Variants in TMCC2 observed in about 807,000 individuals in gnomAD.
TMCC2 encodes transmembrane and coiled-coil domains protein 2.
A neutral mutation model predicts 49.4 loss-of-function variants in TMCC2; 16 were observed. The ratio of observed to expected loss-of-function variants is 0.32; its 90% confidence interval spans 0.22 to 0.49. The LOEUF (loss-of-function observed/expected upper bound fraction) is 0.49. TMCC2 is among the 20% of genes least tolerant of loss of function. The pLI, the probability that TMCC2 is intolerant of heterozygous loss-of-function variation, is 0.99. For synonymous variants in TMCC2, 397 were observed against 434.1 expected, an observed-to-expected ratio of 0.91 and a Z score of 1.06; for missense variants, 762 against 989.8, an observed-to-expected ratio of 0.77 and a Z score of 3.09.
intron 2 of TMCC2, among the ~76,000 whole-genome samples, chr1:205,247,206 G>C (rs1043417428): frequency 1.3e-5 from 2 of 152,138 alleles, no homozygotes; most frequent in Non-Finnish European, 2.9e-5. Context: ...GGCAGAGCAG[G>C]TGTTATCTCC....
chr1:205,270,183 A>T (rs146727824), intron 3 of TMCC2, among the ~76,000 whole-genome samples: 3 of 152,088 alleles, frequency 2.0e-5, no homozygotes, highest in Non-Finnish European at 2.9e-5. Context: ...AGTAGCTGGG[A>T]TTACAGGCAC....
chr1:205,242,106 T>G, intron 2 of TMCC2, 62 bp downstream of exon 2: 2 of 1,495,082 alleles, frequency 1.3e-6, no homozygotes, highest in South Asian at 1.4e-5. Flanking sequence ...CTGAGGGGCC[T>G]TGAGACCTGG....
chr1:205,231,608 G>C (rs767219588), intron 1 of TMCC2, among the ~76,000 whole-genome samples: 3 of 152,062 alleles, frequency 2.0e-5, no homozygotes, highest in African/African-American at 7.2e-5. Context: ...CTCCAAACTT[G>C]CTTTCCAGTG....
chr1:205,250,980 A>T (rs561573938), intron 2 of TMCC2, among the ~76,000 whole-genome samples: 1 of 152,294 alleles, frequency 6.6e-6, no homozygotes, highest in African/African-American at 2.4e-5. Flanking sequence ...GATCTGCCAC[A>T]TCCCTGAGAT....
rs1488318422 is a variant in TMCC2 at position 205,272,085 on chromosome 1, C to T, written c.2091C>T (p.Ser697=). 1 of 1,613,834 alleles carries T rather than the reference C, an allele frequency of 6.2e-7. No individual in the cohort carries two copies. Among genetic ancestry groups the T allele is most frequent in the East Asian group, 2.2e-5 (1 of 44,876 alleles). ...TCCTCCTCTGGAAGCACTGGGACTC[C>T]CTCACCTACCTCCTGGAGCACGTGT... The part of the protein sequence containing the change: ...VLFLLWKHWD[S]LTYLLEHVLL... Residue 697 remains serine, a synonymous_variant, in exon 5 of 5, where the codon TCC becomes TCT. Transcript: ENST00000358024.
chr1:205,247,717 C>A (rs548012194), intron 2 of TMCC2, among the ~76,000 whole-genome samples: 1 of 152,122 alleles, frequency 6.6e-6, no homozygotes, highest in African/African-American at 2.4e-5. Context: ...AGATCCCTGG[C>A]GGTTACTAGC....
At chr1:205,263,184 G>T (rs1661186924) in intron 2 of TMCC2, among the ~76,000 whole-genome samples, 1 of 152,028 alleles carries the variant, frequency 6.6e-6, no homozygotes, top group South Asian at 2.1e-4. Flanking sequence ...GGCTGGGTGG[G>T]CAAGTGGAGT....
intron 1 of TMCC2, among the ~76,000 whole-genome samples, chr1:205,232,361 A>G (rs770051972): frequency 6.6e-6 from 1 of 152,174 alleles, no homozygotes; most frequent in East Asian, 1.9e-4. Flanking sequence ...GAGCACAACA[A>G]TTCAGTCCCA....
rs79085921 is a variant in TMCC2 at position 205,256,162 on chromosome 1, G to A, written c.748-12788G>A. 2.0e-3 allele frequency: 2,835 copies of A among 1,394,752 alleles called. 45 individuals carry two copies. The African/African-American group carries it at 0.036, about 18-fold the overall frequency. The allele number at this position is 1,394,752 out of a possible 1,614,324, so 86.4% of individuals were successfully genotyped here. The stretch of plus-strand genomic sequence containing the variant: ...CTACCCAATCAACGTGACGCGTGTC[G>A]GCCATCAGTATTTAAGCCTGGAGTT... On this transcript the variant is annotated intron_variant, in intron 2 of 4. Coordinates refer to ENST00000358024, the MANE Select transcript of TMCC2 (RefSeq NM_014858.4).
At position 205,241,397 on chromosome 1, in the gene TMCC2, AT is replaced by A; in HGVS notation, c.208-106del. 4 of 1,212,576 alleles carry A rather than the reference AT, an allele frequency of 3.3e-6. No individual in the cohort carries two copies. The highest frequency in any genetic ancestry group is 4.6e-6 in the Non-Finnish European group (4 of 870,360). 75.1% of individuals were successfully genotyped at this position (1,212,576 alleles called of 1,614,324 possible). ...AGATCTTCCAGGTTCAGATGGCTGCATTAGCTATGCCAGTCTACCAAGGACA... is the reference window on the plus strand; with the variant it reads ...AGATCTTCCAGGTTCAGATGGCTGCATAGCTATGCCAGTCTACCAAGGACA... On this transcript the variant is annotated intron_variant, in intron 1 of 4. Transcript: ENST00000358024. This position sits in a 1 kb window ranked among gnomAD's most constrained non-coding sequence, Gnocchi z 7.3.
Position 205,271,798 on chromosome 1 carries a change from C to T in TMCC2, c.1819-15C>T. 1.2e-6 allele frequency: 2 copies of T among 1,604,988 alleles called. No homozygotes were observed. Among genetic ancestry groups the T allele is most frequent in the South Asian group, 2.2e-5 (2 of 90,912 alleles). On this transcript the variant is annotated splice_polypyrimidine_tract_variant and intron_variant, in intron 4 of 4. Coordinates refer to ENST00000358024, the MANE Select transcript of TMCC2 (RefSeq NM_014858.4). ...CATCCTGAGCGCACACATGCCAGCC[C>T]CTCTGCCCCTGCAGGAGGCCGTGGA...
chr1:205,241,631 C>A lies in TMCC2; in HGVS notation c.334C>A (p.Gln112Lys). 1 of 1,613,972 alleles carries A rather than the reference C, an allele frequency of 6.2e-7. No homozygotes were observed. The highest frequency in any genetic ancestry group is 8.5e-7 in the Non-Finnish European group (1 of 1,180,006). ...GGATTCCCAGCAGCATCAGCAGCAGCAGGGTATGTCCGACCATGACTCCCC... is the reference window on the plus strand; with the variant it reads ...GGATTCCCAGCAGCATCAGCAGCAGAAGGGTATGTCCGACCATGACTCCCC... ...SQDSQQHQQQ[Q>K]GMSDHDSPDE... is the part of the protein sequence containing the mutation. Residue 112 changes from glutamine (Q) to lysine (K), a missense_variant, in exon 2 of 5, where the codon CAG becomes AAG. Transcript: ENST00000358024. The surrounding 1 kb of genome is among the most constrained non-coding windows in gnomAD (Gnocchi z 7.3).
At chr1:205,256,074 C>T in intron 2 of TMCC2, 1 of 658,936 alleles carries the variant, frequency 1.5e-6, no homozygotes, top group South Asian at 2.5e-5. Flanking sequence ...CCTGCAAGCC[C>T]TGGCACTGGC....
intron 2 of TMCC2, chr1:205,267,780 C>G (rs978209342): frequency 4.4e-6 from 3 of 680,482 alleles, no homozygotes; most frequent in Non-Finnish European, 5.4e-6. Context: ...CTGATGCACT[C>G]GGGAAGCCTG....
In TMCC2 at chr1:205,264,585, C is replaced by T. The variant is rs951124921; in HGVS notation, c.748-4365C>T. On this transcript the variant is annotated intron_variant, in intron 2 of 4. Transcript: ENST00000358024. This position sits in a 1 kb window ranked among gnomAD's most constrained non-coding sequence, Gnocchi z 4.2. ...CTGCAAGCTCCGCCTCCCAGGTTCG[C>T]GCCATTCTCCCGCCTCAGCCTCCCG... is the stretch of plus-strand genomic sequence containing the variant. Among the ~76,000 whole-genome samples, 3 of 151,822 alleles carry T rather than the reference C, an allele frequency of 2.0e-5. No homozygotes were observed. Among genetic ancestry groups the T allele is most frequent in the African/African-American group, 4.8e-5 (2 of 41,290 alleles).
intron 2 of TMCC2, among the ~76,000 whole-genome samples, chr1:205,259,995 G>C (rs1197812600): frequency 2.0e-5 from 3 of 152,200 alleles, no homozygotes; most frequent in Non-Finnish European, 4.4e-5. Context: ...TCAGCCCTCA[G>C]CCTTTGTGTA....
At chr1:205,252,360 G>C (rs1660701230) in intron 2 of TMCC2, among the ~76,000 whole-genome samples, 1 of 152,180 alleles carries the variant, frequency 6.6e-6, no homozygotes, top group Non-Finnish European at 1.5e-5. Flanking sequence ...TGATCTGTCT[G>C]CTTTCCCAGC....
rs951846472 is a variant in TMCC2 at position 205,228,045 on chromosome 1, C to T, written c.-520C>T. ...CGGGCCGGGGAGGGGGCCGGGCGCG[C>T]TGCGGGCTCCGCGGCCGGACCATGC... On this transcript the variant is annotated 5_prime_UTR_variant, in exon 1 of 5. Transcript: ENST00000358024. 1 of 146,970 alleles carries T rather than the reference C, an allele frequency of 6.8e-6. No homozygotes were observed. The highest frequency in any genetic ancestry group is 1.5e-5 in the Non-Finnish European group (1 of 66,032). 9.1% of individuals were successfully genotyped at this position (146,970 alleles called of 1,614,324 possible).
intron 1 of TMCC2, chr1:205,229,559 T>TGGGGGGGGGGGGGGGGGGGGGGGGG (rs1659706107): frequency 5.3e-6 from 1 of 189,972 alleles, no homozygotes. Context: ...GGGGGGGGGG[T>TGGGGGGGGGGGGGGGGGGGGGGGGG]GGTGGCGGGG....
Sources: allele counts gnomAD v4.1 joint callset (sites outside exome capture counted in the v4.1 genomes callset), GRCh38; gene constraint gnomAD v4.1.1; non-coding constraint Gnocchi (gnomAD v3.1); transcripts MANE v1.5; gene names NCBI Gene and HGNC (gene_info 2026-07-23, HGNC 2026-07-21).